Variants in NBEA observed in about 807,000 individuals in gnomAD.
The protein encoded by NBEA is lysosomal-trafficking regulator 2.
A neutral mutation model predicts 343.4 loss-of-function variants in NBEA; 44 were observed. The ratio of observed to expected loss-of-function variants is 0.13; its 90% CI spans 0.10 to 0.16. The LOEUF is 0.16. NBEA is among the 10% of genes least tolerant of loss of function. NBEA has a pLI of 1.00. For missense variants in NBEA, 2,555 were observed against 3,631.3 expected (o/e 0.70, Z 7.62); for synonymous variants, 1,175 against 1,238.7 (o/e 0.95, Z 1.08).
intron 33 of NBEA, among the ~76,000 whole-genome samples, chr13:35,212,959 G>A (rs1240885466): frequency 6.6e-6 from 1 of 151,018 alleles, no homozygotes; most frequent in East Asian, 1.9e-4. Flanking sequence ...TCCATTTTCT[G>A]GCTTTTCTTA....
At chr13:35,171,558 AATATGGAG>A (rs2070463223) in intron 26 of NBEA, 106 bp downstream of exon 26, 1 of 896,790 alleles carries the variant, frequency 1.1e-6, no homozygotes, top group African/African-American at 1.7e-5. Context: ...ATGATTATAT[AATATGGAG>A]ATTATCTTGA....
At chr13:35,369,793 A>G (rs1366317279) in intron 38 of NBEA, among the ~76,000 whole-genome samples, 3 of 152,000 alleles carry the variant, frequency 2.0e-5, no homozygotes, top group Non-Finnish European at 4.4e-5. Context: ...TCATCTGTAA[A>G]GAAGGATGGT....
chr13:35,365,437 T>C (rs1267088809), intron 38 of NBEA, among the ~76,000 whole-genome samples: 1 of 151,696 alleles, frequency 6.6e-6, no homozygotes, highest in African/African-American at 2.4e-5. Context: ...GCAACAAACA[T>C]CTGTAGTTAA....
chr13:35,205,059 T>C (rs961141238), intron 31 of NBEA, among the ~76,000 whole-genome samples: 1 of 152,168 alleles, frequency 6.6e-6, no homozygotes, highest in Non-Finnish European at 1.5e-5. Context: ...TACTGGTTAG[T>C]GTGGACTTTC....
chr13:35,586,349 ATGT>A (rs2081292427), intron 46 of NBEA, among the ~76,000 whole-genome samples: 1 of 152,178 alleles, frequency 6.6e-6, no homozygotes, highest in South Asian at 2.1e-4. Flanking sequence ...GTTAAGAAAA[ATGT>A]TGTCAGAATT....
At chr13:35,383,417 A>G (rs893340735) in intron 38 of NBEA, among the ~76,000 whole-genome samples, 3 of 152,226 alleles carry the variant, frequency 2.0e-5, no homozygotes, top group Admixed American at 6.5e-5. Flanking sequence ...TTCATGTAAC[A>G]TAGTTCAGTC....
intron 33 of NBEA, among the ~76,000 whole-genome samples, chr13:35,222,098 A>C (rs1161175329): frequency 1.3e-5 from 2 of 152,104 alleles, no homozygotes; most frequent in Admixed American, 6.5e-5. Flanking sequence ...GTTTATGATC[A>C]TATATTAGAT....
At chr13:35,224,184 G>A (rs895836222) in intron 33 of NBEA, among the ~76,000 whole-genome samples, 2 of 152,104 alleles carry the variant, frequency 1.3e-5, no homozygotes, top group Non-Finnish European at 2.9e-5. Flanking sequence ...TAGAACACAT[G>A]TAGACTGAAC....
chr13:35,309,556 C>T lies in NBEA; in HGVS notation c.5867C>T (p.Ala1956Val). ...TGGCAAAACTCTATTCAGAAGAATG[C>T]AGGACTTGCATTTATTGAGCTCATC... is the stretch of plus-strand genomic sequence containing the variant. ...QEWQNSIQKN[A>V]GLAFIELINE... is the part of the protein sequence containing the mutation. Residue 1956 changes from alanine to valine, a missense_variant, in exon 36 of 59, where the codon GCA (alanine) becomes GTA (valine). Transcript: ENST00000379939. The T allele has an allele frequency of 1.9e-6, 3 of 1,591,652 alleles. No homozygotes were observed. The highest frequency in any genetic ancestry group is 1.7e-6 in the Non-Finnish European group (2 of 1,170,150).
chr13:35,005,345 A>G (rs575333013), intron 1 of NBEA, among the ~76,000 whole-genome samples: 21 of 152,060 alleles, frequency 1.4e-4, no homozygotes, highest in Non-Finnish European at 2.5e-4. Context: ...CTGTGATGCA[A>G]ACTCACTGTG....
chr13:35,427,974 C>T (rs867083223), intron 38 of NBEA, among the ~76,000 whole-genome samples: 2 of 152,272 alleles, frequency 1.3e-5, no homozygotes, highest in Non-Finnish European at 1.5e-5. Context: ...TTTTTCAAGC[C>T]CATTGGGAAA....
intron 1 of NBEA, among the ~76,000 whole-genome samples, chr13:34,959,948 T>C (rs1417903284): frequency 6.6e-6 from 1 of 152,178 alleles, no homozygotes; most frequent in Non-Finnish European, 1.5e-5. Context: ...GGTTTATGTA[T>C]TTGCTATACT....
intron 36 of NBEA, among the ~76,000 whole-genome samples, chr13:35,317,902 G>T (rs2037857253): frequency 6.6e-6 from 1 of 152,060 alleles, no homozygotes; most frequent in Non-Finnish European, 1.5e-5. Context: ...CTCTCTGTTT[G>T]TCTATTACTG....
At chr13:35,134,810 G>A (rs2067629228) in intron 17 of NBEA, among the ~76,000 whole-genome samples, 1 of 151,824 alleles carries the variant, frequency 6.6e-6, no homozygotes, top group African/African-American at 2.4e-5. Flanking sequence ...TGTTTTTAAG[G>A]AACCAACAAA....
chr13:35,273,736 C>A (rs888111401), intron 34 of NBEA, among the ~76,000 whole-genome samples: 1 of 152,098 alleles, frequency 6.6e-6, no homozygotes, highest in Admixed American at 6.6e-5. Flanking sequence ...CTATAAACAC[C>A]TCTACTCAAA....
chr13:35,016,406 C>A (rs921645979), intron 1 of NBEA, among the ~76,000 whole-genome samples: 7 of 152,098 alleles, frequency 4.6e-5, no homozygotes, highest in Non-Finnish European at 8.8e-5. Flanking sequence ...GTAATTAATT[C>A]ATCAGCAACT....
intron 39 of NBEA, among the ~76,000 whole-genome samples, chr13:35,435,001 T>C (rs188664743): frequency 5.3e-5 from 8 of 152,134 alleles, no homozygotes; most frequent in Admixed American, 5.2e-4. Flanking sequence ...ATAAGATAGA[T>C]TATTACAGCA....
At chr13:35,665,501 TG>T (rs1203512424) in intron 56 of NBEA, among the ~76,000 whole-genome samples, 1 of 150,970 alleles carries the variant, frequency 6.6e-6, no homozygotes. Context: ...GTGGGGGAGG[TG>T]GGGGGTCATG....
At chr13:35,184,093 G>A (rs1392909732) in intron 30 of NBEA, 22 bp downstream of exon 30, 1 of 1,517,672 alleles carries the variant, frequency 6.6e-7, no homozygotes, top group Non-Finnish European at 9.1e-7. Context: ...CTCATCTCCT[G>A]ACCTGTTTGG....
Sources: allele counts gnomAD v4.1 joint callset (sites outside exome capture counted in the v4.1 genomes callset), GRCh38; gene constraint gnomAD v4.1.1; transcripts MANE v1.5; gene names NCBI Gene and HGNC (gene_info 2026-07-23, HGNC 2026-07-21).